The following AP4S1 variants were observed in gnomAD, a reference collection of about 807,000 sequenced individuals.
AP4S1 encodes the protein AP-4 complex subunit sigma-1.
In AP4S1, 23 loss-of-function variants were observed where a neutral mutation model predicts 19.8. The ratio of observed to expected loss-of-function variants is 1.16; its 90% CI spans 0.84 to 1.65. The LOEUF is 1.65. Among genes scored for constraint, AP4S1 ranks in the 40% most tolerant of loss-of-function variants. The pLI is 0.00. For missense variants in AP4S1, 166 were observed against 172.8 expected, an observed-to-expected ratio of 0.96 and a Z score of 0.22; for synonymous variants, 46 against 54.1, an observed-to-expected ratio of 0.85 and a Z score of 0.66.
chr14:31,085,394 A>G (rs780474665), intron 5 of AP4S1: 71 of 988,818 alleles, frequency 7.2e-5, no homozygotes, highest in Non-Finnish European at 8.2e-5. Flanking sequence ...TGGAGTCTCT[A>G]CTTTGTATTC....
intron 2 of AP4S1, among the ~76,000 whole-genome samples, chr14:31,067,858 T>C (rs1886807835): frequency 6.6e-6 from 1 of 150,792 alleles, no homozygotes; most frequent in East Asian, 2.0e-4. Flanking sequence ...TTTCCCTAGC[T>C]CATACCTTGA....
In AP4S1 at chr14:31,069,879, T is replaced by C. The variant is rs762806583; in HGVS notation, c.175T>C (p.Tyr59His). Residue 59 changes from tyrosine (Y) to histidine (H), a missense_variant, in exon 3 of 6, where the codon TAT becomes CAT. By Grantham distance (83) the Tyr-to-His change is moderately conservative. Transcript: ENST00000542754. ...FIEYKDFKLI[Y>H]RQYAALFIVV... is the part of the protein sequence containing the mutation. ...TGAATATAAGGATTTTAAGCTGATA[T>C]ATCGGCAGTATGCAGCTCTCTTCAT... The C allele has an allele frequency of 1.2e-6, 2 of 1,613,650 alleles. No homozygotes were observed. The highest frequency in any genetic ancestry group is 1.7e-6 in the Non-Finnish European group (2 of 1,179,550).
At chr14:31,077,276 G>A (rs142139707) in intron 4 of AP4S1, among the ~76,000 whole-genome samples, 3 of 151,922 alleles carry the variant, frequency 2.0e-5, no homozygotes, top group East Asian at 1.9e-4. Flanking sequence ...TTTTCATTTC[G>A]CATTTAAATA....
chr14:31,048,093 A>ATT (rs1160411626), intron 1 of AP4S1, among the ~76,000 whole-genome samples: 12 of 136,470 alleles, frequency 8.8e-5, no homozygotes, highest in Non-Finnish European at 1.4e-4. Context: ...TATTTCTTTA[A>ATT]TTTTTTTTTT....
intron 4 of AP4S1, among the ~76,000 whole-genome samples, chr14:31,073,417 G>C (rs1015121201): frequency 1.5e-5 from 2 of 137,122 alleles, no homozygotes; most frequent in Non-Finnish European, 3.2e-5. Context: ...GTGAACCCGG[G>C]AGGCGGAGCT....
intron 2 of AP4S1, among the ~76,000 whole-genome samples, chr14:31,066,852 G>A (rs1323187267): frequency 6.6e-6 from 1 of 152,114 alleles, no homozygotes; most frequent in Non-Finnish European, 1.5e-5. Context: ...TGAAACCAGT[G>A]ATTTAAAAAC....
chr14:31,067,869 A>G (rs961704632), intron 2 of AP4S1, among the ~76,000 whole-genome samples: 4 of 150,086 alleles, frequency 2.7e-5, no homozygotes, highest in African/African-American at 9.9e-5. Flanking sequence ...CATACCTTGA[A>G]CACAATATTT....
At chr14:31,067,893 C>CA (rs1886810850) in intron 2 of AP4S1, among the ~76,000 whole-genome samples, 1 of 149,126 alleles carries the variant, frequency 6.7e-6, no homozygotes, top group Admixed American at 6.7e-5. Context: ...TTTTTTGAGA[C>CA]AGAGTTTTGC....
rs1310221103 is a variant in AP4S1 at position 31,095,233 on chromosome 14, T to C, written c.*2198T>C. ...AAAACAAAAAAACTTTTATAACATG[T>C]ACCTAACAAAGATGCAGAGTTAAAT... On this transcript the variant is annotated 3_prime_UTR_variant, in exon 6 of 6. Coordinates refer to ENST00000542754, the MANE Select transcript of AP4S1 (RefSeq NM_001128126.3). 1 of 152,346 alleles carries C rather than the reference T, an allele frequency of 6.6e-6. No homozygotes were observed. Among genetic ancestry groups the C allele is most frequent in the East Asian group, 1.9e-4 (1 of 5,186 alleles). The allele number at this position is 152,346 out of a possible 1,614,324, so 9.4% of individuals were successfully genotyped here.
intron 1 of AP4S1, among the ~76,000 whole-genome samples, chr14:31,057,839 G>A (rs1444557695): frequency 1.3e-5 from 2 of 151,772 alleles, no homozygotes; most frequent in African/African-American, 4.8e-5. Context: ...TGTTAGCCAG[G>A]CTGGTCTCGA....
At chr14:31,032,605 C>T (rs947981937) in intron 1 of AP4S1, among the ~76,000 whole-genome samples, 2 of 151,224 alleles carry the variant, frequency 1.3e-5, no homozygotes, top group African/African-American at 2.4e-5. Flanking sequence ...CTCACTGCAA[C>T]CTCCACCTCC....
intron 5 of AP4S1, chr14:31,085,610 C>A: frequency 1.2e-6 from 1 of 846,394 alleles, no homozygotes; most frequent in Non-Finnish European, 1.4e-6. Context: ...CCAGTCTCTA[C>A]AAAAAAATTT....
chr14:31,037,886 AG>A (rs1884872101), intron 1 of AP4S1, among the ~76,000 whole-genome samples: 1 of 152,346 alleles, frequency 6.6e-6, no homozygotes, highest in East Asian at 1.9e-4. Context: ...CAAGAGTTCC[AG>A]GGTGTAGTGA....
intron 4 of AP4S1, among the ~76,000 whole-genome samples, chr14:31,074,379 G>A (rs994182946): frequency 6.7e-6 from 1 of 149,510 alleles, no homozygotes; most frequent in Admixed American, 6.7e-5. Flanking sequence ...TAAGCTGGGC[G>A]CGGTGGCTGA....
intron 5 of AP4S1, among the ~76,000 whole-genome samples, chr14:31,088,104 C>T (rs1887970654): frequency 6.6e-6 from 1 of 152,078 alleles, no homozygotes; most frequent in Non-Finnish European, 1.5e-5. Context: ...TAGGAACAGT[C>T]CCCAGGATTC....
intron 1 of AP4S1, among the ~76,000 whole-genome samples, chr14:31,048,553 C>T (rs1486281915): frequency 2.0e-5 from 3 of 151,862 alleles, no homozygotes; most frequent in Non-Finnish European, 4.4e-5. Context: ...ATGGCAAAAC[C>T]CCGTTTTGCC....
chr14:31,067,415 C>T (rs1470999529), intron 2 of AP4S1, among the ~76,000 whole-genome samples: 1 of 140,478 alleles, frequency 7.1e-6, no homozygotes, highest in African/African-American at 2.6e-5. Flanking sequence ...AATGCTATCC[C>T]TTCCCCCTCC....
chr14:31,047,517 A>G (rs1410539202), intron 1 of AP4S1, among the ~76,000 whole-genome samples: 1 of 150,834 alleles, frequency 6.6e-6, no homozygotes, highest in East Asian at 2.0e-4. Context: ...CCTCCAGAGT[A>G]GCTGGGACTA....
chr14:31,025,610 C>G (rs1246459735), upstream of AP4S1: 3 of 482,400 alleles, frequency 6.2e-6, no homozygotes, highest in Non-Finnish European at 1.1e-5. Context: ...CCCGGAGGCC[C>G]GGGAAGGCCG....
Sources: gnomAD v4.1 joint callset for allele counts (sites outside exome capture counted in the v4.1 genomes callset) on GRCh38, gnomAD v4.1.1 for gene constraint, MANE v1.5 for transcripts, NCBI Gene and HGNC (gene_info 2026-07-23, HGNC 2026-07-21) for gene names.